The following DUOX1 variants were observed in gnomAD, a reference collection of about 807,000 sequenced individuals.
The protein encoded by DUOX1 is NADPH thyroid oxidase 1.
Under a neutral mutation model 181.8 loss-of-function variants are expected in DUOX1, and 134 were observed. The ratio of observed to expected loss-of-function variants is 0.74; its 90% confidence interval spans 0.64 to 0.85. DUOX1 has a LOEUF of 0.85. DUOX1 is among the 40% of genes least tolerant of loss of function. DUOX1 has a pLI of 0.00. For synonymous variants in DUOX1, 798 were observed against 832.5 expected, an observed-to-expected ratio of 0.96 and a Z score of 0.71; for missense variants, 1,814 against 2,064.4, an observed-to-expected ratio of 0.88 and a Z score of 2.35.
Position 45,133,887 on chromosome 15 carries a change from G to T in DUOX1, c.82G>T (p.Glu28Ter), listed in dbSNP as rs766240806. The change falls in exon 3 of 34, where the codon GAG (glutamate) becomes TAG (stop). Residue 28 changes from glutamate (E) to a stop codon, truncating the protein, a stop_gained. Transcript: ENST00000389037. LOFTEE classifies it high-confidence loss of function. The stretch of plus-strand genomic sequence containing the variant: ...AGGAGCTCAGAACCCCATTTCGTGG[G>T]AGGTGCAGCGATTTGATGGGTGGTA... ...PLGAQNPISW[E>*]VQRFDGWYNN... The T allele has an allele frequency of 6.2e-7, 1 of 1,613,792 alleles. No homozygotes were observed. The highest frequency in any genetic ancestry group is 1.7e-5 in the Admixed American group (1 of 59,984).
At chr15:45,157,203 C>A (rs1184659992) in intron 28 of DUOX1, among the ~76,000 whole-genome samples, 1 of 152,216 alleles carries the variant, frequency 6.6e-6, no homozygotes, top group Admixed American at 6.5e-5. Flanking sequence ...GACTACTTAG[C>A]CTTGGCTTAG....
At chr15:45,151,044 G>T in intron 22 of DUOX1, 79 bp from the exon 23 acceptor site, 1 of 1,581,522 alleles carries the variant, frequency 6.3e-7, no homozygotes. Context: ...AGCAGAATGG[G>T]TTTGGAGGCA....
Position 45,152,528 on chromosome 15 carries a change from G to A in DUOX1, c.3424+12G>A, listed in dbSNP as rs1291790067. On this transcript the variant is annotated intron_variant, in intron 25 of 33. Transcript: ENST00000389037. The stretch of plus-strand genomic sequence containing the variant: ...CATCGTCCTCACAGGCAGGGCCTGG[G>A]TGTCCCTGGGAGGCTCTCCAGGGCC... The A allele has an allele frequency of 1.2e-6, 2 of 1,613,046 alleles. No homozygotes were observed. The highest frequency in any genetic ancestry group is 1.7e-6 in the Non-Finnish European group (2 of 1,179,532).
intron 13 of DUOX1, 70 bp downstream of exon 13, chr15:45,141,140 G>C (rs1896480428): frequency 6.3e-7 from 1 of 1,596,714 alleles, no homozygotes. Context: ...TCTGGCCTTA[G>C]ACAGCCCCCA....
At chr15:45,146,810 C>G (rs1257107951) in intron 18 of DUOX1, among the ~76,000 whole-genome samples, 1 of 152,208 alleles carries the variant, frequency 6.6e-6, no homozygotes, top group African/African-American at 2.4e-5. Flanking sequence ...TGGCCTGTGG[C>G]CTGCCTGCTT....
chr15:45,139,247 A>G, intron 11 of DUOX1, 79 bp downstream of exon 11: 1 of 1,609,420 alleles, frequency 6.2e-7, no homozygotes, highest in Non-Finnish European at 8.5e-7. Context: ...AGAACCAGGT[A>G]TGAGGGGGTG....
chr15:45,160,985 C>T lies in DUOX1; in HGVS notation c.3851C>T (p.Pro1284Leu). The T allele has an allele frequency of 6.2e-7, 1 of 1,614,054 alleles. No homozygotes were observed. The highest frequency in any genetic ancestry group is 8.5e-7 in the Non-Finnish European group (1 of 1,180,002). ...EISVVKAELLPSGVTHLRFQR... is the reference protein window; with the variant it reads ...EISVVKAELLLSGVTHLRFQR... ...AGCGTGGTGAAGGCGGAGCTGCTGCCCTCAGGTACCAGCCTGGCAGGAGAT... is the reference window on the plus strand; with the variant it reads ...AGCGTGGTGAAGGCGGAGCTGCTGCTCTCAGGTACCAGCCTGGCAGGAGAT... Residue 1284 changes from proline to leucine, a missense_variant, in exon 29 of 34, where the codon CCC becomes CTC. By Grantham distance (98) the Pro-to-Leu change is moderately conservative. Around this residue, in one of 5 missense-constraint regions of DUOX1, gnomAD observed 279 missense variants for 381.9 expected, o/e 0.73. Coordinates refer to ENST00000389037, the MANE Select transcript of DUOX1 (RefSeq NM_175940.3).
rs1897130459 is a variant in DUOX1 at position 45,162,354 on chromosome 15, A to T, written c.4225A>T (p.Ser1409Cys). The change falls in exon 31 of 34, where the codon AGC (serine) becomes TGC (cysteine). Residue 1409 changes from serine to cysteine, a missense_variant. Transcript: ENST00000389037. ...AGACCTGGTCTTCAAGTCATCCGTCAGCTGCCAAGTGTTCTGTAAGAAGGT... is the reference window on the plus strand; with the variant it reads ...AGACCTGGTCTTCAAGTCATCCGTCTGCTGCCAAGTGTTCTGTAAGAAGGT... ...LKDLVFKSSV[S>C]CQVFCKKIYF... is the part of the protein sequence containing the mutation. The T allele has an allele frequency of 6.2e-7, 1 of 1,614,084 alleles. No homozygotes were observed. The highest frequency in any genetic ancestry group is 8.5e-7 in the Non-Finnish European group (1 of 1,179,988).
intron 21 of DUOX1, 181 bp from the exon 22 acceptor site, chr15:45,150,451 G>A (rs1017292056): frequency 1.5e-5 from 9 of 597,510 alleles, no homozygotes; most frequent in Non-Finnish European, 2.7e-5. Context: ...CCCACCTATG[G>A]CTGGGTCCAG....
At position 45,135,590 on chromosome 15, in the gene DUOX1, T is replaced by C; in HGVS notation, c.612T>C (p.Ala204=). The C allele has an allele frequency of 6.4e-7, 1 of 1,564,742 alleles. No homozygotes were observed. Among genetic ancestry groups the C allele is most frequent in the Non-Finnish European group, 8.7e-7 (1 of 1,155,898 alleles). ...AGCTGGCGTCGGGGCCCGACCCCGC[T>C]TTTCCCCGAGACTCGCAGAACCCCC... The part of the protein sequence containing the change: ...RGQLASGPDP[A]FPRDSQNPLL... The change falls in exon 6 of 34, where the codon GCT becomes GCC. Residue 204 remains alanine, a synonymous_variant. Coordinates refer to ENST00000389037, the MANE Select transcript of DUOX1 (RefSeq NM_175940.3).
Position 45,151,917 on chromosome 15 carries a change from G to C in DUOX1, c.3058G>C (p.Glu1020Gln), listed in dbSNP as rs1896815002. 2.5e-6 allele frequency: 4 copies of C among 1,614,060 alleles called. No homozygotes were observed. The highest frequency in any genetic ancestry group is 1.7e-5 in the Admixed American group (1 of 60,014). The change falls in exon 24 of 34, where the codon GAG (glutamate) becomes CAG (glutamine). Residue 1020 changes from glutamate (E) to glutamine (Q), a missense_variant. This residue lies in a region of DUOX1 where 1,064 missense variants were observed against 1,152.9 expected (regional missense o/e 0.92). Coordinates refer to ENST00000389037, the MANE Select transcript of DUOX1 (RefSeq NM_175940.3). Reference sequence around the variant, plus strand: ...CTTGCTGTTCACTGAGGCGCACCGAGAGAAGTTCCAACGCAGCTGTCTCCA... The same window carrying C: ...CTTGCTGTTCACTGAGGCGCACCGACAGAAGTTCCAACGCAGCTGTCTCCA... ...QPLLFTEAHR[E>Q]KFQRSCLHQT...
At chr15:45,163,451 GA>G in intron 31 of DUOX1, 80 bp from the exon 32 acceptor site, 1 of 1,579,522 alleles carries the variant, frequency 6.3e-7, no homozygotes, top group South Asian at 1.2e-5. Context: ...GTGGTCAGAA[GA>G]GTTCTATCAG....
At position 45,148,263 on chromosome 15, in the gene DUOX1, C is replaced by G; in HGVS notation, c.2643-9C>G. ...TCAGGGCCGGATGGTTCCTCTCCCCCAACCCCAGATCCTTCATCGAGATCT... is the reference window on the plus strand; with the variant it reads ...TCAGGGCCGGATGGTTCCTCTCCCCGAACCCCAGATCCTTCATCGAGATCT... On this transcript the variant is annotated splice_polypyrimidine_tract_variant and intron_variant, in intron 20 of 33. Transcript: ENST00000389037. The G allele has an allele frequency of 6.2e-7, 1 of 1,614,042 alleles. No homozygotes were observed. Among genetic ancestry groups the G allele is most frequent in the Non-Finnish European group, 8.5e-7 (1 of 1,180,042 alleles).
intron 23 of DUOX1, 51 bp from the exon 24 acceptor site, chr15:45,151,823 A>G (rs765816763): frequency 1.0e-5 from 16 of 1,558,480 alleles, no homozygotes; most frequent in Non-Finnish European, 1.0e-5. Context: ...GGGCCCCACT[A>G]GCGTTGGGTC....
chr15:45,145,706 G>A (rs1309721823), intron 18 of DUOX1, among the ~76,000 whole-genome samples: 2 of 152,142 alleles, frequency 1.3e-5, no homozygotes, highest in Non-Finnish European at 2.9e-5. Flanking sequence ...CTTGAGGTCA[G>A]GGGTTTGAGA....
At chr15:45,134,082 G>A in intron 3 of DUOX1, 63 bp from the exon 4 acceptor site, 1 of 1,539,888 alleles carries the variant, frequency 6.5e-7, no homozygotes, top group Non-Finnish European at 8.7e-7. Flanking sequence ...GGAAAGCCTG[G>A]GAGAGAGGGG....
intron 28 of DUOX1, among the ~76,000 whole-genome samples, chr15:45,160,599 G>A (rs1189231375): frequency 9.5e-6 from 1 of 104,758 alleles, no homozygotes; most frequent in Non-Finnish European, 1.9e-5. Context: ...GGTGACAGGT[G>A]ACATCACTTG....
chr15:45,134,981 A>T, intron 4 of DUOX1, 123 bp from the exon 5 acceptor site: 1 of 1,156,670 alleles, frequency 8.6e-7, no homozygotes. Context: ...CAGGGCTTGG[A>T]CTTGCCCATA....
chr15:45,153,482 GAGTA>G lies in DUOX1; in HGVS notation c.3524+7_3524+10del. The G allele has an allele frequency of 1.3e-6, 2 of 1,587,920 alleles. No homozygotes were observed. The highest frequency in any genetic ancestry group is 1.7e-6 in the Non-Finnish European group (2 of 1,158,156). On this transcript the variant is annotated splice_donor_5th_base_variant and intron_variant, in intron 26 of 33. Transcript: ENST00000389037. ...CCTGGCCTCTTCCATGATGATGGGT[GAGTA>G]AGTGCGAATGTGTGTGTGTGTGTGT...
Sources: gnomAD v4.1 joint callset for allele counts (sites outside exome capture counted in the v4.1 genomes callset) on GRCh38, gnomAD v4.1.1 for gene constraint, gnomAD v4.1.1 regional missense constraint, MANE v1.5 for transcripts, NCBI Gene and HGNC (gene_info 2026-07-23, HGNC 2026-07-21) for gene names.